Variants in TBC1D10B observed in about 807,000 individuals in gnomAD.
The protein encoded by TBC1D10B is TBC1 domain family member 10B, also known as Rab27A-GAPbeta.
A neutral mutation model predicts 78.4 loss-of-function variants in TBC1D10B; 25 were observed. The ratio of observed to expected loss-of-function variants is 0.32; its 90% CI spans 0.23 to 0.45. The LOEUF is 0.45. Among genes scored for constraint, TBC1D10B ranks in the 20% least tolerant of loss-of-function variants. The pLI is 1.00. For missense variants in TBC1D10B, 996 were observed against 1,104.8 expected, an observed-to-expected ratio of 0.90 and a Z score of 1.40; for synonymous variants, 517 against 478.0, an observed-to-expected ratio of 1.08 and a Z score of -1.06.
At chr16:30,362,895 G>C (rs892171069) in intron 4 of TBC1D10B, among the ~76,000 whole-genome samples, 1 of 152,142 alleles carries the variant, frequency 6.6e-6, no homozygotes, top group African/African-American at 2.4e-5. Flanking sequence ...AACTTAGCTA[G>C]GCATGGTGGC....
intron 6 of TBC1D10B, 28 bp downstream of exon 6, chr16:30,359,510 C>T (rs1204333407): frequency 6.4e-6 from 10 of 1,554,000 alleles, no homozygotes; most frequent in Middle Eastern, 1.7e-4. Flanking sequence ...GCCACAGCCC[C>T]GGATGCACCC....
chr16:30,359,430 G>A lies in TBC1D10B; in HGVS notation c.1453-69C>T, dbSNP rs1329136277. On this transcript the variant is annotated intron_variant, in intron 6 of 8. Coordinates refer to ENST00000409939, the MANE Select transcript of TBC1D10B (RefSeq NM_015527.4). ...GCCCCCATCAGGGGAGAACTGGCCG[G>A]CCCTGTGGGCAGAAGCCGGGAAGGC... 1.2e-5 allele frequency: 19 copies of A among 1,545,624 alleles called. No individual in the cohort carries two copies. In the East Asian group the frequency reaches 4.7e-4, roughly 38 times the overall value.
rs1325396955 is a variant in TBC1D10B at position 30,369,274 on chromosome 16, T to C, written c.910A>G (p.Thr304Ala). The C allele has an allele frequency of 2.5e-6, 4 of 1,588,436 alleles. No individual in the cohort carries two copies. The highest frequency in any genetic ancestry group is 1.1e-5 in the South Asian group (1 of 87,104). Residue 304 changes from threonine (T) to alanine (A), a missense_variant, in exon 1 of 9, where the codon ACG becomes GCG. Transcript: ENST00000409939. The surrounding 1 kb of genome is among the most constrained non-coding windows in gnomAD (Gnocchi z 4.3). ...SEINGLALRK[T>A]DKYGFLGGSQ... ...CCCCCAAGGAAGCCATACTTGTCCG[T>C]CTTGCGCAGGGCCAGCCCGTTTATC... is the stretch of plus-strand genomic sequence containing the variant.
chr16:30,358,726 C>G lies in TBC1D10B; in HGVS notation c.1734G>C (p.Glu578Asp), dbSNP rs1478521855. The G allele has an allele frequency of 3.1e-6, 5 of 1,610,946 alleles. No individual in the cohort carries two copies. The highest frequency in any genetic ancestry group is 4.2e-6 in the Non-Finnish European group (5 of 1,178,558). Reference sequence around the variant, plus strand: ...GCAGGTTACGCAGCTGCTCCATGGTCTCATACATGCCTTGGCAGGAGCGCA... The same window carrying G: ...GCAGGTTACGCAGCTGCTCCATGGTGTCATACATGCCTTGGCAGGAGCGCA... ...EKLRSCQGMYETMEQLRNLPQ... is the reference protein window; with the variant it reads ...EKLRSCQGMYDTMEQLRNLPQ... Residue 578 changes from glutamate to aspartate, a missense_variant, in exon 8 of 9, where the codon GAG (glutamate) becomes GAC (aspartate). Physicochemically the swap from Glu to Asp is conservative, Grantham distance 45. Around this residue, in one of 5 missense-constraint regions of TBC1D10B, gnomAD observed 168 missense variants for 238.7 expected, o/e 0.70. Coordinates refer to ENST00000409939, the MANE Select transcript of TBC1D10B (RefSeq NM_015527.4).
rs2049562250 is a variant in TBC1D10B at position 30,357,650 on chromosome 16, G to A, written c.*294C>T. 1 of 497,406 alleles carries A rather than the reference G, an allele frequency of 2.0e-6. No individual in the cohort carries two copies. Among genetic ancestry groups the A allele is most frequent in the Non-Finnish European group, 3.6e-6 (1 of 277,016 alleles). The allele number at this position is 497,406 out of a possible 1,614,324, so 30.8% of individuals were successfully genotyped here. A position where few individuals can be genotyped will look rare whatever the true frequency, so the allele number is the denominator to read the frequency against. ...TCCCATCACCAGGAGTCACCCCTGG[G>A]ATGACAACGGGCCATTCAGGACAGC... On this transcript the variant is annotated 3_prime_UTR_variant, in exon 9 of 9. Transcript: ENST00000409939.
At chr16:30,360,779 G>A (rs2049593607) in intron 4 of TBC1D10B, among the ~76,000 whole-genome samples, 1 of 152,084 alleles carries the variant, frequency 6.6e-6, no homozygotes, top group African/African-American at 2.4e-5. Context: ...CCACCTGCCT[G>A]CTTCCGTGTC....
At chr16:30,368,446 G>T (rs1251541409) in intron 1 of TBC1D10B, among the ~76,000 whole-genome samples, 1 of 152,140 alleles carries the variant, frequency 6.6e-6, no homozygotes, top group Non-Finnish European at 1.5e-5. Flanking sequence ...TGACACCTGG[G>T]GGCCCAGGAG....
At chr16:30,359,689 C>G (rs2049586662) in intron 5 of TBC1D10B, 38 bp downstream of exon 5, 1 of 1,552,690 alleles carries the variant, frequency 6.4e-7, no homozygotes, top group Non-Finnish European at 8.7e-7. Flanking sequence ...AGGGTGAGAT[C>G]CCCCCTGCCC....
chr16:30,358,297 G>C lies in TBC1D10B; in HGVS notation c.2074C>G (p.Pro692Ala). ...PVRRASAGPAPGPVVTAEGLH... is the reference protein window; with the variant it reads ...PVRRASAGPAAGPVVTAEGLH... The stretch of plus-strand genomic sequence containing the variant: ...CCCTCAGCAGTGACCACAGGCCCTG[G>C]GGCAGGCCCAGCACTGGCTCTGCGG... The change falls in exon 9 of 9, where the codon CCA becomes GCA. Residue 692 changes from proline to alanine, a missense_variant. Physicochemically the swap from Pro to Ala is conservative, Grantham distance 27. Transcript: ENST00000409939. 6.3e-7 allele frequency: 1 copy of C among 1,584,544 alleles called. No homozygotes were observed. The highest frequency in any genetic ancestry group is 8.6e-7 in the Non-Finnish European group (1 of 1,165,560).
rs1417510179 is a variant in TBC1D10B at position 30,359,113 on chromosome 16, C to T, written c.1642+59G>A. On this transcript the variant is annotated intron_variant, in intron 7 of 8. Transcript: ENST00000409939. ...ATGGACCACCAGAAATATGACAGAA[C>T]CCCTGGTAGCCACCACAGAAACCCC... The T allele has an allele frequency of 2.0e-6, 3 of 1,526,912 alleles. No homozygotes were observed. In the East Asian group the frequency reaches 7.2e-5, roughly 37 times the overall value. The allele number at this position is 1,526,912 out of a possible 1,614,324, so 94.6% of individuals were successfully genotyped here.
rs1257186521 is a variant in TBC1D10B, at chr16:30,369,850, G to A, written c.334C>T (p.Pro112Ser). 7.1e-7 allele frequency: 1 copy of A among 1,408,560 alleles called. No individual in the cohort carries two copies. Among genetic ancestry groups the A allele is most frequent in the East Asian group, 2.7e-5 (1 of 37,110 alleles). 87.3% of individuals were successfully genotyped at this position (1,408,560 alleles called of 1,614,324 possible). A position where few individuals can be genotyped will look rare whatever the true frequency, so the allele number is the denominator to read the frequency against. Residue 112 changes from proline (P) to serine (S), a missense_variant, in exon 1 of 9, where the codon CCA becomes TCA. Around this residue, in one of 5 missense-constraint regions of TBC1D10B, gnomAD observed 448 missense variants for 442.1 expected, o/e 1.01. Transcript: ENST00000409939. This position sits in a 1 kb window ranked among gnomAD's most constrained non-coding sequence, Gnocchi z 4.3. Reference sequence around the variant, plus strand: ...ACTCCAGCCACTGCCGCGGGCTCTGGGGATTCCGGGCCGGAGGGGAGCTGC... The same window carrying A: ...ACTCCAGCCACTGCCGCGGGCTCTGAGGATTCCGGGCCGGAGGGGAGCTGC... ...KPQLPSGPESPEPAAVAGVET... is the reference protein window; with the variant it reads ...KPQLPSGPESSEPAAVAGVET...
At chr16:30,362,100 C>T (rs1006830708) in intron 4 of TBC1D10B, among the ~76,000 whole-genome samples, 1 of 151,946 alleles carries the variant, frequency 6.6e-6, no homozygotes, top group Non-Finnish European at 1.5e-5. Context: ...CTGCCCGCCT[C>T]GGCCTCCCAA....
Position 30,370,006 on chromosome 16 carries a change from G to A in TBC1D10B, c.178C>T (p.Pro60Ser). Residue 60 changes from proline (P) to serine (S), a missense_variant, in exon 1 of 9, where the codon CCC (proline) becomes TCC (serine). Physicochemically the swap from Pro to Ser is moderately conservative, Grantham distance 74. Transcript: ENST00000409939. ...TCGGCCGACCCCGGGACCCAGGCGG[G>A]CCGCGCCTCCCCGGGGGCCACCAGG... ...VTLVAPGEAR[P>S]AWVPGSAETS... 1 of 1,233,186 alleles carries A rather than the reference G, an allele frequency of 8.1e-7. No homozygotes were observed. The highest frequency in any genetic ancestry group is 1.0e-6 in the Non-Finnish European group (1 of 988,488). 76.4% of individuals were successfully genotyped at this position (1,233,186 alleles called of 1,614,324 possible).
rs1157494879 is a variant in TBC1D10B, at chr16:30,369,881, T to C, written c.303A>G (p.Pro101=). The change falls in exon 1 of 9, where the codon CCA becomes CCG. Residue 101 remains proline, a synonymous_variant. Coordinates refer to ENST00000409939, the MANE Select transcript of TBC1D10B (RefSeq NM_015527.4). The surrounding 1 kb of genome is among the most constrained non-coding windows in gnomAD (Gnocchi z 4.3). The part of the protein sequence containing the change: ...VLTLEASPEA[P]KPQLPSGPES... Reference sequence around the variant, plus strand: ...CCGGGCCGGAGGGGAGCTGCGGCTTTGGGGCTTCGGGCGAGGCCTCCAGGG... The same window carrying C: ...CCGGGCCGGAGGGGAGCTGCGGCTTCGGGGCTTCGGGCGAGGCCTCCAGGG... 4 of 1,393,292 alleles carry C rather than the reference T, an allele frequency of 2.9e-6. No homozygotes were observed. In the South Asian group the frequency reaches 6.5e-5, roughly 23 times the overall value. 86.3% of individuals were successfully genotyped at this position (1,393,292 alleles called of 1,614,324 possible). A position where few individuals can be genotyped will look rare whatever the true frequency, so the allele number is the denominator to read the frequency against.
At position 30,370,159 on chromosome 16, in the gene TBC1D10B, C is replaced by T. The variant is rs2049676944; in HGVS notation, c.25G>A (p.Val9Met). 8.4e-7 allele frequency: 1 copy of T among 1,185,590 alleles called. No individual in the cohort carries two copies. The highest frequency in any genetic ancestry group is 4.2e-5 in the South Asian group (1 of 23,978). 73.4% of individuals were successfully genotyped at this position (1,185,590 alleles called of 1,614,324 possible). The part of the protein sequence containing the change: METGTAPL[V>M]APPRRHGAPA... ...GCGCCATGACGGCGCGGCGGGGCCACCAGGGGCGCCGTGCCCGTCTCCATG... is the reference window on the plus strand; with the variant it reads ...GCGCCATGACGGCGCGGCGGGGCCATCAGGGGCGCCGTGCCCGTCTCCATG... The change falls in exon 1 of 9, where the codon GTG (valine) becomes ATG (methionine). Residue 9 changes from valine (V) to methionine (M), a missense_variant. Val to Met is a conservative substitution (Grantham distance 21, BLOSUM62 1). Coordinates refer to ENST00000409939, the MANE Select transcript of TBC1D10B (RefSeq NM_015527.4).
rs2049566852 is a variant in TBC1D10B at position 30,358,046 on chromosome 16, T to G, written c.2325A>C (p.Gln775His). 1 of 1,551,736 alleles carries G rather than the reference T, an allele frequency of 6.4e-7. No individual in the cohort carries two copies. Among genetic ancestry groups the G allele is most frequent in the Admixed American group, 2.0e-5 (1 of 50,994 alleles). Residue 775 changes from glutamine (Q) to histidine (H), a missense_variant, in exon 9 of 9, where the codon CAA becomes CAC. This residue lies in a region of TBC1D10B where 285 missense variants were observed against 252.5 expected (regional missense o/e 1.13). Coordinates refer to ENST00000409939, the MANE Select transcript of TBC1D10B (RefSeq NM_015527.4). ...KERQKQEKKA[Q>H]GRKLSLRRKA... ...TTCGACGCAGCGAAAGCTTCCGGCC[T>G]TGAGCCTTCTTCTCCTGCTTCTGCC...
intron 1 of TBC1D10B, among the ~76,000 whole-genome samples, chr16:30,368,776 G>A (rs902402494): frequency 6.6e-6 from 1 of 152,182 alleles, no homozygotes; most frequent in Non-Finnish European, 1.5e-5. Context: ...GGGGAAGGGA[G>A]ATGCCTGCAC....
At position 30,359,589 on chromosome 16, in the gene TBC1D10B, G is replaced by A; in HGVS notation, c.1401C>T (p.Cys467=). The change falls in exon 6 of 9, where the codon TGC becomes TGT. Residue 467 remains cysteine (C), a synonymous_variant. Coordinates refer to ENST00000409939, the MANE Select transcript of TBC1D10B (RefSeq NM_015527.4). The part of the protein sequence containing the change: ...MHMPAEQAFW[C]LVQICDKYLP... ...GGTACTTGTCGCAGATCTGCACCAG[G>A]CACCAAAAGGCTTGCTGAGAAGAGC... 3 of 1,562,034 alleles carry A rather than the reference G, an allele frequency of 1.9e-6. No individual in the cohort carries two copies. In the South Asian group the frequency reaches 3.5e-5, roughly 18 times the overall value.
rs777123222 is a variant in TBC1D10B at position 30,358,579 on chromosome 16, C to G, written c.1798-6G>C. ...GTCACCGGCAGATTGGTCACCTGCA[C>G]AGAGAGGAAATGCGTACCAGAATGG... On this transcript the variant is annotated splice_polypyrimidine_tract_variant and splice_region_variant and intron_variant, in intron 8 of 8. Coordinates refer to ENST00000409939, the MANE Select transcript of TBC1D10B (RefSeq NM_015527.4). 8 of 1,595,982 alleles carry G rather than the reference C, an allele frequency of 5.0e-6. No individual in the cohort carries two copies. In the African/African-American group the frequency reaches 9.4e-5, roughly 19 times the overall value.
Sources: allele counts gnomAD v4.1 joint callset (sites outside exome capture counted in the v4.1 genomes callset), GRCh38; gene constraint gnomAD v4.1.1; regional missense constraint gnomAD v4.1.1; non-coding constraint Gnocchi (gnomAD v3.1); transcripts MANE v1.5; gene names NCBI Gene and HGNC (gene_info 2026-07-23, HGNC 2026-07-21).